CARHSP1: variants seen among roughly 807,000 people sequenced by gnomAD.
The protein encoded by CARHSP1 is calcium regulated heat stable protein 1, also known as calcium-regulated heat-stable protein 1.
Under a neutral mutation model 12.5 loss-of-function variants are expected in CARHSP1, and 14 were observed. The observed-to-expected ratio is 1.12, with a 90% CI of 0.74 to 1.75. The LOEUF (loss-of-function observed/expected upper bound fraction) is 1.75, where lower values mean the gene tolerates loss of function less well. Ranked by LOEUF, CARHSP1 falls within the 40% of genes most tolerant of loss-of-function variation. The pLI is 0.00. For missense variants in CARHSP1, 343 were observed against 201.6 expected, an observed-to-expected ratio of 1.70 and a Z score of -4.25; for synonymous variants, 161 against 82.0, an observed-to-expected ratio of 1.96 and a Z score of -5.20.
At position 8,866,353 on chromosome 16, in the gene CARHSP1, A is replaced by G; in HGVS notation, c.-8+2613T>C. 4.9e-6 allele frequency: 4 copies of G among 810,414 alleles called. No homozygotes were observed. In the South Asian group the frequency reaches 2.2e-4, roughly 45 times the overall value. The allele number at this position is 810,414 out of a possible 1,614,324, so 50.2% of individuals were successfully genotyped here. A position where few individuals can be genotyped will look rare whatever the true frequency, so the allele number is the denominator to read the frequency against. On this transcript the variant is annotated intron_variant, in intron 1 of 3. Coordinates refer to ENST00000311052, the MANE Select transcript of CARHSP1 (RefSeq NM_014316.4). ...GGCCCATCTCACAGCCCAAGGCTTA[A>G]CAGTGCAGGAGGTGGAAGGGAAATG...
intron 1 of CARHSP1, chr16:8,860,041 C>G (rs2061300125): frequency 1.5e-6 from 1 of 660,180 alleles, no homozygotes; most frequent in South Asian, 6.7e-5. Flanking sequence ...CTCAGCCACT[C>G]CACGGACCCT....
intron 1 of CARHSP1, among the ~76,000 whole-genome samples, chr16:8,864,737 G>A (rs959161867): frequency 4.2e-4 from 64 of 152,282 alleles, no homozygotes; most frequent in Admixed American, 8.5e-4. Context: ...AGGGTGGTGG[G>A]GGCAGGAAGC....
intron 1 of CARHSP1, chr16:8,859,928 G>C (rs977209943): frequency 1.3e-5 from 2 of 155,550 alleles, no homozygotes; most frequent in African/African-American, 4.8e-5. Flanking sequence ...AGTGAGCTGA[G>C]ATCGCACCAC....
chr16:8,856,709 G>A (rs1211718661), intron 3 of CARHSP1, among the ~76,000 whole-genome samples: 2 of 152,182 alleles, frequency 1.3e-5, no homozygotes, highest in East Asian at 1.9e-4. Flanking sequence ...CGGGTATGCT[G>A]TGCAGAGTAG....
At chr16:8,861,783 A>G (rs967323626) in intron 1 of CARHSP1, 5 of 1,266,488 alleles carry the variant, frequency 3.9e-6, no homozygotes, top group Non-Finnish European at 4.1e-6. Flanking sequence ...CGCATGACCT[A>G]CCAGCACAGG....
Position 8,859,296 on chromosome 16 carries a change from G to T in CARHSP1, c.33C>A (p.Pro11=), listed in dbSNP as rs749580275. The change falls in exon 2 of 4, where the codon CCC becomes CCA. Residue 11 remains proline (P), a synonymous_variant. Coordinates refer to ENST00000311052, the MANE Select transcript of CARHSP1 (RefSeq NM_014316.4). MSSEPPPPPQ[P]PTHQASVGLL... is the part of the protein sequence containing the mutation. ...GCCCGACTGAAGCTTGATGGGTGGG[G>T]GGCTGTGGTGGTGGGGGAGGCTCAG... 1 of 1,603,484 alleles carries T rather than the reference G, an allele frequency of 6.2e-7. No homozygotes were observed. Among genetic ancestry groups the T allele is most frequent in the Non-Finnish European group, 8.5e-7 (1 of 1,177,996 alleles).
chr16:8,855,453 T>G (rs2061068961), intron 3 of CARHSP1, 127 bp from the exon 4 acceptor site: 1 of 791,022 alleles, frequency 1.3e-6, no homozygotes, highest in Admixed American at 3.8e-5. Context: ...ACCGGGAACC[T>G]CTTTCCAAAG....
intron 1 of CARHSP1, chr16:8,861,619 T>G (rs1027146263): frequency 7.8e-7 from 1 of 1,288,960 alleles, no homozygotes; most frequent in Non-Finnish European, 1.0e-6. Context: ...TCTGTCGGGC[T>G]GGGAAGCTGG....
rs1266137605 is a variant in CARHSP1, at chr16:8,858,731, T to C, written c.159-259A>G. 4 of 505,368 alleles carry C rather than the reference T, an allele frequency of 7.9e-6. No homozygotes were observed. The East Asian group carries it at 1.3e-4, about 16-fold the overall frequency. 31.3% of individuals were successfully genotyped at this position (505,368 alleles called of 1,614,324 possible). A position where few individuals can be genotyped will look rare whatever the true frequency, so the allele number is the denominator to read the frequency against. On this transcript the variant is annotated intron_variant, in intron 2 of 3. Coordinates refer to ENST00000311052, the MANE Select transcript of CARHSP1 (RefSeq NM_014316.4). ...GGAAAGAGGGAGTTGAACTAAAACA[T>C]CACTGAACATCCCTCCAGAAACTAA...
rs750403912 is a variant in CARHSP1 at position 8,855,125 on chromosome 16, C to T, written c.*39G>A. The T allele has an allele frequency of 1.4e-6, 2 of 1,463,666 alleles. No homozygotes were observed. The highest frequency in any genetic ancestry group is 4.4e-5 in the Admixed American group (2 of 45,120). The allele number at this position is 1,463,666 out of a possible 1,614,324, so 90.7% of individuals were successfully genotyped here. A position where few individuals can be genotyped will look rare whatever the true frequency, so the allele number is the denominator to read the frequency against. ...GTCTGCTGCCTCCTCCCTGCAAAGT[C>T]TCCCACAAGCACAGGACAAGGGGTG... On this transcript the variant is annotated 3_prime_UTR_variant, in exon 4 of 4. Transcript: ENST00000311052.
intron 1 of CARHSP1, chr16:8,868,674 G>A (rs2061486297): frequency 6.6e-6 from 1 of 152,004 alleles, no homozygotes; most frequent in African/African-American, 2.4e-5. Flanking sequence ...GGGAGGGCGG[G>A]AAGAGCTTCC....
intron 3 of CARHSP1, 27 bp downstream of exon 3, chr16:8,858,323 G>A (rs1329822330): frequency 1.9e-6 from 3 of 1,609,784 alleles, no homozygotes; most frequent in Non-Finnish European, 2.5e-6. Context: ...ACCCCAGCCA[G>A]GCCACCCAGA....
intron 1 of CARHSP1, chr16:8,867,502 G>C (rs1430054801): frequency 6.6e-6 from 1 of 152,388 alleles, no homozygotes; most frequent in African/African-American, 2.4e-5. Context: ...TCCTGCCCCT[G>C]CTGATGGAAC....
At chr16:8,865,628 C>A (rs1432327625) in intron 1 of CARHSP1, among the ~76,000 whole-genome samples, 1 of 152,226 alleles carries the variant, frequency 6.6e-6, no homozygotes, top group Non-Finnish European at 1.5e-5. Context: ...CCGGAGCCAG[C>A]CCACTGCTGG....
intron 2 of CARHSP1, 165 bp downstream of exon 2, chr16:8,859,006 C>G: frequency 1.7e-6 from 1 of 591,576 alleles, no homozygotes; most frequent in Non-Finnish European, 2.8e-6. Context: ...CCTGAATTTA[C>G]AAGGCGCCTT....
intron 1 of CARHSP1, among the ~76,000 whole-genome samples, chr16:8,865,392 G>A (rs749185174): frequency 1.6e-4 from 24 of 152,202 alleles, no homozygotes; most frequent in Non-Finnish European, 3.1e-4. Flanking sequence ...TTACAGGCAT[G>A]AGCCACCGTG....
intron 1 of CARHSP1, chr16:8,867,875 C>T (rs1265308748): frequency 1.3e-5 from 2 of 152,346 alleles, no homozygotes; most frequent in Non-Finnish European, 2.9e-5. Flanking sequence ...AAGTTGGGGA[C>T]TTAGACGACA....
At chr16:8,860,622 C>T (rs1211816420) in intron 1 of CARHSP1, 1 of 479,668 alleles carries the variant, frequency 2.1e-6, no homozygotes, top group African/African-American at 2.2e-5. Context: ...CTGCGCAGGG[C>T]TGGTGATGGG....
chr16:8,853,575 TG>T lies in CARHSP1; in HGVS notation c.*1588del, dbSNP rs1181454549. ...TTGAGGAGTACCTACCTGATGAAGCTGTTCATGCTTCCAGCATCAAACTGGA... is the reference window on the plus strand; with the variant it reads ...TTGAGGAGTACCTACCTGATGAAGCTTTCATGCTTCCAGCATCAAACTGGA... On this transcript the variant is annotated 3_prime_UTR_variant, in exon 4 of 4. Coordinates refer to ENST00000311052, the MANE Select transcript of CARHSP1 (RefSeq NM_014316.4). 3 of 152,236 alleles carry T rather than the reference TG, an allele frequency of 2.0e-5. No individual in the cohort carries two copies. The highest frequency in any genetic ancestry group is 2.9e-5 in the Non-Finnish European group (2 of 68,036). The allele number at this position is 152,236 out of a possible 1,614,324, so 9.4% of individuals were successfully genotyped here. A position where few individuals can be genotyped will look rare whatever the true frequency, so the allele number is the denominator to read the frequency against.
Sources: allele counts gnomAD v4.1 joint callset (sites outside exome capture counted in the v4.1 genomes callset), GRCh38; gene constraint gnomAD v4.1.1; transcripts MANE v1.5; gene names NCBI Gene and HGNC (gene_info 2026-07-23, HGNC 2026-07-21).